PSMA1: variants seen among roughly 807,000 people sequenced by gnomAD.
The protein encoded by PSMA1 is proteasome subunit alpha type-1.
Under a neutral mutation model 38.4 loss-of-function variants are expected in PSMA1, and 3 were observed. The observed-to-expected ratio is 0.08, with a 90% CI of 0.04 to 0.20. The LOEUF is 0.20. PSMA1 is among the 10% of genes least tolerant of loss of function. The pLI is 1.00. For missense variants in PSMA1, 227 were observed against 325.3 expected (o/e 0.70, Z 2.32); for synonymous variants, 101 against 107.1 (o/e 0.94, Z 0.35).
chr11:14,557,006 C>A (rs1245459394), intron 2 of PSMA1, among the ~76,000 whole-genome samples: 1 of 151,920 alleles, frequency 6.6e-6, no homozygotes, highest in Admixed American at 6.6e-5. Context: ...TTTTTTATTT[C>A]TATTTTTTGT....
chr11:14,551,436 A>C (rs1851883984), intron 2 of PSMA1, among the ~76,000 whole-genome samples: 1 of 152,164 alleles, frequency 6.6e-6, no homozygotes, highest in Non-Finnish European at 1.5e-5. Flanking sequence ...ATTTGATGGA[A>C]GGGGTGGTGA....
At chr11:14,590,231 C>G (rs1301365213) in intron 2 of PSMA1, among the ~76,000 whole-genome samples, 1 of 152,168 alleles carries the variant, frequency 6.6e-6, no homozygotes, top group East Asian at 1.9e-4. Context: ...AGTTTCAGAT[C>G]TGCAAGATGA....
chr11:14,608,787 A>G (rs912554531), intron 2 of PSMA1, among the ~76,000 whole-genome samples: 4 of 150,314 alleles, frequency 2.7e-5, no homozygotes, highest in Non-Finnish European at 5.9e-5. Flanking sequence ...ACATCTGAAT[A>G]TAGACTTCTT....
chr11:14,527,014 C>G (rs1851593558), intron 2 of PSMA1, among the ~76,000 whole-genome samples: 1 of 152,166 alleles, frequency 6.6e-6, no homozygotes, highest in South Asian at 2.1e-4. Context: ...CTTAATATGC[C>G]TTCCATATCT....
chr11:14,575,708 C>T (rs572077680), intron 2 of PSMA1, among the ~76,000 whole-genome samples: 2,731 of 152,102 alleles, frequency 0.018, 34 homozygotes, highest in Non-Finnish European at 0.029. Context: ...TGAATAGTGC[C>T]GCAATAAACA....
intron 7 of PSMA1, among the ~76,000 whole-genome samples, chr11:14,511,377 T>C (rs1402046842): frequency 6.6e-6 from 1 of 151,976 alleles, no homozygotes. Flanking sequence ...AGACCCAATA[T>C]AGATGCAAAA....
chr11:14,546,349 T>C (rs961802354), intron 2 of PSMA1, among the ~76,000 whole-genome samples: 5 of 152,082 alleles, frequency 3.3e-5, no homozygotes, highest in Admixed American at 6.6e-5. Context: ...CATACAACCA[T>C]ATACAGCAAA....
At chr11:14,634,365 C>T (rs551497986) in intron 1 of PSMA1, among the ~76,000 whole-genome samples, 2 of 152,274 alleles carry the variant, frequency 1.3e-5, no homozygotes, top group East Asian at 3.9e-4. Flanking sequence ...ACACGCAACA[C>T]ACAAATGCAT....
intron 2 of PSMA1, among the ~76,000 whole-genome samples, chr11:14,574,070 G>C (rs972613661): frequency 1.3e-5 from 2 of 152,166 alleles, no homozygotes; most frequent in Non-Finnish European, 2.9e-5. Flanking sequence ...GAGAAGCAGA[G>C]TATAAAAGTT....
rs4463820 is a variant in PSMA1 at position 14,534,796 on chromosome 11, A to G, written c.22-15755T>C. Among the ~76,000 whole-genome samples, 101,017 of 152,132 alleles carry G rather than the reference A, an allele frequency of 0.66. 33,764 individuals are homozygous for G. Among genetic ancestry groups the G allele is most frequent in the African/African-American group, 0.7 (29,208 of 41,498 alleles). On this transcript the variant is annotated intron_variant, in intron 2 of 10. Coordinates refer to the PSMA1 transcript ENST00000418988. The surrounding 1 kb of genome is among the most constrained non-coding windows in gnomAD (Gnocchi z 4.5). The stretch of plus-strand genomic sequence containing the variant: ...TAAAAAAACAAACAAACCTGCTTAT[A>G]GGAGGCCAGGTGCGGTGGCTCACGC...
At position 14,510,883 on chromosome 11, in the gene PSMA1, G is replaced by A. The variant is rs1199692452; in HGVS notation, c.613C>T (p.Leu205=). Residue 205 remains leucine, a synonymous_variant, in exon 8 of 10, where the codon CTG becomes TTG. Transcript: ENST00000396394. ...LRETLPAEQD[L]TTKNVSIGIV... ...AAGACAATACTTACCTTTGTAGTCA[G>A]GTCCTGTTCTGCAGGAAGCGTCTCT... 6.2e-7 allele frequency: 1 copy of A among 1,604,566 alleles called. No homozygotes were observed. The highest frequency in any genetic ancestry group is 8.5e-7 in the Non-Finnish European group (1 of 1,174,922).
rs534708046 is a variant in PSMA1, at chr11:14,512,380, A to G, written c.544+1190T>C. ...AAACAGTGAAACCCCGTCTCAGGAA[A>G]AAAAAAAAAAGAATTAAATACCTAA... On this transcript the variant is annotated intron_variant, in intron 7 of 9. Transcript: ENST00000396394. Among the ~76,000 whole-genome samples the G allele has an allele frequency of 1.8e-3, 272 of 152,152 alleles. 1 individual carries two copies. The highest frequency in any genetic ancestry group is 6.2e-3 in the African/African-American group (258 of 41,522).
chr11:14,594,426 G>A (rs1020538967), intron 2 of PSMA1, among the ~76,000 whole-genome samples: 1 of 152,082 alleles, frequency 6.6e-6, no homozygotes, highest in Non-Finnish European at 1.5e-5. Context: ...GGAAGGGGGG[G>A]GTTCAGCTTT....
chr11:14,616,815 T>C (rs747133662), intron 1 of PSMA1, among the ~76,000 whole-genome samples: 6 of 152,166 alleles, frequency 3.9e-5, no homozygotes, highest in African/African-American at 7.2e-5. Flanking sequence ...ATGGCTATTA[T>C]TAAGTAGCAA....
chr11:14,522,483 C>T (rs529807075), upstream of PSMA1, among the ~76,000 whole-genome samples: 5 of 152,236 alleles, frequency 3.3e-5, no homozygotes, highest in East Asian at 5.8e-4. Flanking sequence ...TAATATTCTA[C>T]GCTGCCTGAG....
chr11:14,518,097 C>A, intron 2 of PSMA1, 116 bp from the exon 3 acceptor site: 2 of 718,160 alleles, frequency 2.8e-6, no homozygotes, highest in East Asian at 3.0e-5. Context: ...TTTTTTTAAT[C>A]AAGAGACCTT....
intron 5 of PSMA1, 90 bp from the exon 6 acceptor site, chr11:14,513,977 A>C: frequency 7.1e-7 from 1 of 1,408,116 alleles, no homozygotes; most frequent in South Asian, 1.7e-5. Context: ...TCTCTGGCTT[A>C]TTCTTTAATT....
At chr11:14,576,923 T>C (rs929529701) in intron 2 of PSMA1, among the ~76,000 whole-genome samples, 2 of 152,352 alleles carry the variant, frequency 1.3e-5, no homozygotes, top group Non-Finnish European at 2.9e-5. Flanking sequence ...CATGGAATGT[T>C]CTTCCATTTC....
chr11:14,629,823 TTG>T (rs1429586720), intron 1 of PSMA1, among the ~76,000 whole-genome samples: 14 of 152,028 alleles, frequency 9.2e-5, no homozygotes, highest in South Asian at 2.1e-4. Context: ...TTCCATTTGT[TTG>T]TATCCTCTTT....
Sources: allele counts gnomAD v4.1 joint callset (sites outside exome capture counted in the v4.1 genomes callset), GRCh38; gene constraint gnomAD v4.1.1; non-coding constraint Gnocchi (gnomAD v3.1); transcripts MANE v1.5; gene names NCBI Gene and HGNC (gene_info 2026-07-23, HGNC 2026-07-21).